SNTG2: variants seen among roughly 807,000 people sequenced by gnomAD.
The protein encoded by SNTG2 is gamma-2-syntrophin.
Under a neutral mutation model 70.9 loss-of-function variants are expected in SNTG2, and 74 were observed. The observed-to-expected ratio is 1.04, with a 90% confidence interval of 0.86 to 1.27. SNTG2 has a LOEUF of 1.27. SNTG2 is among the 50% of genes most tolerant of loss of function. SNTG2 has a pLI of 0.00. For missense variants in SNTG2, 717 were observed against 690.7 expected, an observed-to-expected ratio of 1.04 and a Z score of -0.43; for synonymous variants, 278 against 273.8, an observed-to-expected ratio of 1.02 and a Z score of -0.15.
At chr2:1,069,446 C>T (rs1378198958) in intron 1 of SNTG2, among the ~76,000 whole-genome samples, 1 of 149,766 alleles carries the variant, frequency 6.7e-6, no homozygotes, top group African/African-American at 2.5e-5. Flanking sequence ...AAGCAATGCA[C>T]GTGGATTATG....
chr2:1,090,487 G>T (rs937946342), intron 2 of SNTG2, among the ~76,000 whole-genome samples: 1 of 152,168 alleles, frequency 6.6e-6, no homozygotes, highest in Non-Finnish European at 1.5e-5. Context: ...TAAGTCAGAG[G>T]GAGAGAGTGA....
chr2:1,216,210 G>T (rs1674381856), intron 9 of SNTG2, among the ~76,000 whole-genome samples: 1 of 152,148 alleles, frequency 6.6e-6, no homozygotes, highest in African/African-American at 2.4e-5. Flanking sequence ...ATCCTCTCCA[G>T]CACCTGTTGT....
intron 4 of SNTG2, among the ~76,000 whole-genome samples, chr2:1,135,217 GA>G (rs1668301743): frequency 6.6e-6 from 1 of 152,176 alleles, no homozygotes; most frequent in Non-Finnish European, 1.5e-5. Flanking sequence ...TCTTTTCTGG[GA>G]ATTTGGTTAT....
chr2:1,131,465 T>C (rs1668008800), intron 4 of SNTG2, among the ~76,000 whole-genome samples: 2 of 152,152 alleles, frequency 1.3e-5, no homozygotes, highest in African/African-American at 4.8e-5. Context: ...TGTATTTTAG[T>C]GATATCCTTG....
chr2:1,222,578 GT>G (rs2148047166), intron 9 of SNTG2, among the ~76,000 whole-genome samples: 2 of 13,388 alleles, frequency 1.5e-4, no homozygotes, highest in East Asian at 3.7e-3. Context: ...GATGGAGGGC[GT>G]CTCCCTGTCC....
chr2:1,295,019 GC>G (rs1680143106), intron 14 of SNTG2, among the ~76,000 whole-genome samples: 1 of 152,210 alleles, frequency 6.6e-6, no homozygotes, highest in South Asian at 2.1e-4. Context: ...CACTCCCGCT[GC>G]GCTGAGTGTG....
intron 16 of SNTG2, among the ~76,000 whole-genome samples, chr2:1,320,549 A>AG (rs1426896749): frequency 1.1e-4 from 17 of 150,758 alleles, no homozygotes; most frequent in African/African-American, 3.7e-4. Context: ...AAAAAAAAAA[A>AG]AAAGAAAGAA....
rs556186785 is a variant in SNTG2 at position 1,174,495 on chromosome 2, C to A, written c.591+1312C>A. On this transcript the variant is annotated intron_variant, in intron 8 of 16. Coordinates refer to ENST00000308624, the MANE Select transcript of SNTG2 (RefSeq NM_018968.4). ...TTTTATGTTTGTTTTTCTAGTTTAT[C>A]ATCATTAAAAGAGGTGCAGCCATAA... Among the ~76,000 whole-genome samples the A allele has an allele frequency of 3.3e-5, 5 of 152,108 alleles. No individual in the cohort carries two copies. The South Asian group carries it at 1.0e-3, about 32-fold the overall frequency.
intron 16 of SNTG2, among the ~76,000 whole-genome samples, chr2:1,326,162 T>C (rs982746794): frequency 6.6e-6 from 1 of 152,224 alleles, no homozygotes; most frequent in African/African-American, 2.4e-5. Context: ...AGACATCTTA[T>C]ACAATTTTGG....
Position 1,221,859 on chromosome 2 carries a change from GT to G in SNTG2, c.719+12630del, listed in dbSNP as rs1674976903. ...TCTCTCTGTCTCTGTCTCTGTCTCT[GT>G]CTCTGTCTCTCTCTCTCTCTGTCTC... On this transcript the variant is annotated intron_variant, in intron 9 of 16. Coordinates refer to ENST00000308624, the MANE Select transcript of SNTG2 (RefSeq NM_018968.4). 1.9e-3 allele frequency among the ~76,000 whole-genome samples: 10 copies of G among 5,308 alleles called. 5 individuals carry two copies. The highest frequency in any genetic ancestry group is 0.013 in the South Asian group (2 of 156). The allele number at this position is 5,308 out of a possible 152,430, so 3.5% of individuals were successfully genotyped here.
chr2:997,896 A>C (rs1294705165), intron 1 of SNTG2, among the ~76,000 whole-genome samples: 1 of 152,180 alleles, frequency 6.6e-6, no homozygotes, highest in Non-Finnish European at 1.5e-5. Context: ...ACCCATTACA[A>C]AACCTGTTGA....
chr2:990,936 A>G (rs1041094702), intron 1 of SNTG2, among the ~76,000 whole-genome samples: 2 of 151,782 alleles, frequency 1.3e-5, no homozygotes, highest in Non-Finnish European at 2.9e-5. Flanking sequence ...TGGAAGGCAT[A>G]TATTGTATTA....
intron 9 of SNTG2, among the ~76,000 whole-genome samples, chr2:1,222,599 C>G (rs868943725): frequency 0.013 from 50 of 3,768 alleles, 1 homozygote; most frequent in South Asian, 0.029. Flanking sequence ...CTGCCTGCTG[C>G]TGGAGGTGCT....
intron 16 of SNTG2, among the ~76,000 whole-genome samples, chr2:1,366,674 G>A (rs867790834): frequency 3.3e-5 from 5 of 152,138 alleles, no homozygotes; most frequent in Non-Finnish European, 1.5e-5. Flanking sequence ...GCTTCCCGCC[G>A]TGCTGTGCAC....
intron 1 of SNTG2, among the ~76,000 whole-genome samples, chr2:973,766 G>T (rs1432641818): frequency 6.6e-6 from 1 of 151,958 alleles, no homozygotes. Context: ...TTGTCCTCAG[G>T]TGTCTTTATT....
At chr2:994,763 T>A (rs1193158083) in intron 1 of SNTG2, among the ~76,000 whole-genome samples, 1 of 151,966 alleles carries the variant, frequency 6.6e-6, no homozygotes, top group Non-Finnish European at 1.5e-5. Context: ...TATATAGGTT[T>A]CAGAGTTTTG....
At chr2:1,306,709 T>TGC (rs1553276249) in intron 14 of SNTG2, among the ~76,000 whole-genome samples, 25 of 150,480 alleles carry the variant, frequency 1.7e-4, no homozygotes, top group African/African-American at 2.9e-4. Context: ...TGTGTGTGTG[T>TGC]GCCATGCACT....
At chr2:1,277,190 A>G (rs1679302362) in intron 14 of SNTG2, among the ~76,000 whole-genome samples, 1 of 152,244 alleles carries the variant, frequency 6.6e-6, no homozygotes, top group African/African-American at 2.4e-5. Flanking sequence ...ATTAGCTTCA[A>G]TTTTGAAAGA....
At chr2:1,082,119 G>T (rs1330035088) in intron 1 of SNTG2, among the ~76,000 whole-genome samples, 1 of 152,122 alleles carries the variant, frequency 6.6e-6, no homozygotes, top group Non-Finnish European at 1.5e-5. Flanking sequence ...AGCTTCCCTC[G>T]GCGATGGTCT....
Sources: allele counts gnomAD v4.1 joint callset (sites outside exome capture counted in the v4.1 genomes callset), GRCh38; gene constraint gnomAD v4.1.1; transcripts MANE v1.5; gene names NCBI Gene and HGNC (gene_info 2026-07-23, HGNC 2026-07-21).